NDUFAF6: variants seen among roughly 807,000 people sequenced by gnomAD.
NDUFAF6 encodes the protein NADH dehydrogenase (ubiquinone) complex I, assembly factor 6.
In NDUFAF6, 45 loss-of-function variants were observed where a neutral mutation model predicts 40.8. That is an observed-to-expected ratio of 1.10 (90% confidence interval 0.87 to 1.42). The LOEUF (loss-of-function observed/expected upper bound fraction) is 1.42, where lower values mean the gene tolerates loss of function less well. Ranked by LOEUF, NDUFAF6 falls within the 40% of genes most tolerant of loss-of-function variation. NDUFAF6 has a pLI of 0.00. For missense variants in NDUFAF6, 435 were observed against 418.5 expected (o/e 1.04, Z -0.34); for synonymous variants, 185 against 155.9 (o/e 1.19, Z -1.39).
chr8:95,115,259 G>A (rs1200046777), intron 4 of NDUFAF6, among the ~76,000 whole-genome samples: 1 of 152,060 alleles, frequency 6.6e-6, no homozygotes, highest in Non-Finnish European at 1.5e-5. Context: ...AAGGCTGAAG[G>A]GTCTTATTTA....
intron 2 of NDUFAF6, among the ~76,000 whole-genome samples, chr8:95,004,470 C>T (rs1826873280): frequency 1.3e-5 from 2 of 151,080 alleles, no homozygotes; most frequent in South Asian, 2.1e-4. Context: ...CCCACGTCAG[C>T]CTCCCAAGTA....
chr8:95,014,749 T>C (rs1458641645), intron 2 of NDUFAF6, among the ~76,000 whole-genome samples: 1 of 152,190 alleles, frequency 6.6e-6, no homozygotes, highest in East Asian at 1.9e-4. Context: ...TAGGCACAGC[T>C]AGGATTTGGG....
intron 1 of NDUFAF6, among the ~76,000 whole-genome samples, chr8:94,973,682 T>C (rs1161169399): frequency 2.8e-5 from 4 of 142,422 alleles, no homozygotes; most frequent in Admixed American, 7.4e-5. Flanking sequence ...CACTCCAGCC[T>C]GGGCGACAAG....
intron 1 of NDUFAF6, among the ~76,000 whole-genome samples, chr8:94,969,176 C>T (rs575233222): frequency 6.6e-5 from 10 of 152,188 alleles, no homozygotes; most frequent in African/African-American, 2.4e-4. Flanking sequence ...AGATGAATCA[C>T]CTAGGGAGTA....
chr8:94,988,638 G>A (rs1826052923), intron 2 of NDUFAF6: 1 of 152,130 alleles, frequency 6.6e-6, no homozygotes, highest in Non-Finnish European at 1.5e-5. Flanking sequence ...TTAGGCAAAT[G>A]TGTGGGAATG....
intron 8 of NDUFAF6, among the ~76,000 whole-genome samples, chr8:95,053,553 C>G (rs1026514714): frequency 1.3e-5 from 2 of 152,124 alleles, no homozygotes; most frequent in African/African-American, 4.8e-5. Context: ...CCTCCCCGTT[C>G]CAGACCAATT....
intron 2 of NDUFAF6, among the ~76,000 whole-genome samples, chr8:95,012,604 G>A (rs944370624): frequency 1.3e-5 from 2 of 150,530 alleles, no homozygotes; most frequent in African/African-American, 4.9e-5. Flanking sequence ...GAGGACAGAA[G>A]TTTGAGACCA....
intron 2 of NDUFAF6, among the ~76,000 whole-genome samples, chr8:95,095,381 G>C (rs540585714): frequency 6.6e-6 from 1 of 152,116 alleles, no homozygotes; most frequent in African/African-American, 2.4e-5. Context: ...CATCCGAATG[G>C]GATCCAGGTC....
intron 2 of NDUFAF6, among the ~76,000 whole-genome samples, chr8:94,987,094 T>C (rs1825949842): frequency 6.6e-6 from 1 of 152,228 alleles, no homozygotes; most frequent in African/African-American, 2.4e-5. Flanking sequence ...AATGCATTCC[T>C]TTGTCCCCCA....
At chr8:95,061,884 G>A (rs1039791980), downstream of NDUFAF6, among the ~76,000 whole-genome samples, 3 of 152,110 alleles carry the variant, frequency 2.0e-5, no homozygotes, top group Non-Finnish European at 2.9e-5. Context: ...TGGGCTGGGC[G>A]TGGTGGTTCA....
At chr8:94,934,478 C>T (rs1342358703) in intron 1 of NDUFAF6, among the ~76,000 whole-genome samples, 4 of 151,876 alleles carry the variant, frequency 2.6e-5, no homozygotes, top group African/African-American at 9.7e-5. Flanking sequence ...CTCTGCCTCC[C>T]GGGTTCAAGC....
chr8:94,995,534 C>T (rs771564930), intron 2 of NDUFAF6, among the ~76,000 whole-genome samples: 22 of 151,424 alleles, frequency 1.5e-4, no homozygotes, highest in Non-Finnish European at 2.7e-4. Flanking sequence ...GAGTCTGAGG[C>T]GGGAGGATTG....
intron 1 of NDUFAF6, among the ~76,000 whole-genome samples, chr8:94,913,254 C>T (rs2131232975): frequency 6.6e-6 from 1 of 152,290 alleles, no homozygotes; most frequent in South Asian, 2.1e-4. Context: ...ATGCAGCACT[C>T]TAGCAGGTGC....
chr8:94,935,637 G>A (rs1213073118), intron 1 of NDUFAF6, among the ~76,000 whole-genome samples: 3 of 152,164 alleles, frequency 2.0e-5, no homozygotes, highest in East Asian at 1.9e-4. Flanking sequence ...TAAAATGGTC[G>A]GGGTGGTGAA....
At chr8:94,946,696 C>CAA (rs71273438) in intron 2 of NDUFAF6, among the ~76,000 whole-genome samples, 8,790 of 34,644 alleles carry the variant, frequency 0.25, 2,037 homozygotes, top group South Asian at 0.31. Flanking sequence ...GACCCTGTCT[C>CAA]AAAAAAAAAA....
chr8:95,061,091 A>G (rs1483075469), downstream of NDUFAF6, among the ~76,000 whole-genome samples: 1 of 152,172 alleles, frequency 6.6e-6, no homozygotes, highest in Non-Finnish European at 1.5e-5. Context: ...CTGAAGAAGC[A>G]GTGTGTACAA....
chr8:95,082,992 G>T (rs180918710), intron 2 of NDUFAF6, among the ~76,000 whole-genome samples: 1 of 152,112 alleles, frequency 6.6e-6, no homozygotes, highest in Non-Finnish European at 1.5e-5. Context: ...TATTGCCCAG[G>T]CTGGTCTCGA....
chr8:94,969,196 G>A (rs1824264061), intron 1 of NDUFAF6, among the ~76,000 whole-genome samples: 1 of 152,192 alleles, frequency 6.6e-6, no homozygotes, highest in South Asian at 2.1e-4. Context: ...AAGTATTAAT[G>A]GAGAATGAGC....
chr8:94,905,769 G>A (rs1586603979), intron 1 of NDUFAF6, among the ~76,000 whole-genome samples: 1 of 152,160 alleles, frequency 6.6e-6, no homozygotes, highest in East Asian at 1.9e-4. Flanking sequence ...CTCCTCTTGG[G>A]GTTGAATTTC....
Sources: gnomAD v4.1 joint callset for allele counts (sites outside exome capture counted in the v4.1 genomes callset) on GRCh38, gnomAD v4.1.1 for gene constraint, MANE v1.5 for transcripts, NCBI Gene and HGNC (gene_info 2026-07-23, HGNC 2026-07-21) for gene names.